CHODL: variants seen among roughly 807,000 people sequenced by gnomAD.
CHODL encodes chondrolectin, also known as transmembrane protein MT75.
A neutral mutation model predicts 34.5 loss-of-function variants in CHODL; 29 were observed. The ratio of observed to expected loss-of-function variants is 0.84; its 90% confidence interval spans 0.63 to 1.15. The LOEUF (loss-of-function observed/expected upper bound fraction) is 1.15. Among genes scored for constraint, CHODL ranks in the 50% most tolerant of loss-of-function variants. CHODL has a pLI of 0.00. For synonymous variants in CHODL, 125 were observed against 116.1 expected (o/e 1.08, Z -0.49); for missense variants, 332 against 332.5 (o/e 1.00, Z 0.01).
chr21:17,992,715 GTTGTTTTTTTT>G (rs374284013), intron 1 of CHODL, among the ~76,000 whole-genome samples: 53 of 31,512 alleles, frequency 1.7e-3, no homozygotes, highest in African/African-American at 3.7e-3. Context: ...TTCTGGTGGA[GTTGTTTTTTTT>G]TTTTTTTTTT....
intron 2 of CHODL, among the ~76,000 whole-genome samples, chr21:18,202,331 T>C (rs927699108): frequency 8.5e-5 from 13 of 152,220 alleles, no homozygotes; most frequent in Non-Finnish European, 1.5e-4. Context: ...TGACTTCTAG[T>C]GTGCTGTATT....
At chr21:17,928,167 ATTC>A (rs1349964620) in intron 1 of CHODL, among the ~76,000 whole-genome samples, 1 of 152,244 alleles carries the variant, frequency 6.6e-6, no homozygotes, top group East Asian at 1.9e-4. Context: ...TCAAGCACTT[ATTC>A]TTTGCAAATC....
At chr21:18,220,146 C>G (rs550122926) in intron 2 of CHODL, among the ~76,000 whole-genome samples, 4 of 152,100 alleles carry the variant, frequency 2.6e-5, no homozygotes, top group Non-Finnish European at 5.9e-5. Context: ...CATAACTACT[C>G]TTGCATGCTT....
rs71318121 is a variant in CHODL, at chr21:18,060,709, C to CA, written c.-45+32752dup. ...CAGTAGTAAATCTTACTCCTCGGAC[C>CA]AAAAAAAAAAAAAAGAAAGCAAGCA... On this transcript the variant is annotated intron_variant, in intron 2 of 6. Transcript: ENST00000400127. 3.7e-3 allele frequency among the ~76,000 whole-genome samples: 444 copies of CA among 121,348 alleles called. 3 individuals carry two copies. The highest frequency in any genetic ancestry group is 0.021 in the East Asian group (89 of 4,284). 79.6% of individuals were successfully genotyped at this position (121,348 alleles called of 152,430 possible).
chr21:17,968,552 T>G (rs1600842537), intron 1 of CHODL, among the ~76,000 whole-genome samples: 3 of 152,340 alleles, frequency 2.0e-5, no homozygotes, highest in Non-Finnish European at 1.5e-5. Flanking sequence ...AATGGTTTCT[T>G]TTTTTTCAGA....
In CHODL at chr21:17,966,243, CACAGTTTAGAAAAAT is replaced by C. The variant is rs1319294482; in HGVS notation, c.-145+48851_-145+48865del. Among the ~76,000 whole-genome samples the C allele has an allele frequency of 1.4e-4, 22 of 152,230 alleles. No homozygotes were observed. In the East Asian group the frequency reaches 3.5e-3, roughly 24 times the overall value. On this transcript the variant is annotated intron_variant, in intron 1 of 6. Transcript: ENST00000400127. ...TTTGCTTAGTTCTGGCAGTTGTAAA[CACAGTTTAGAAAAAT>C]ACAGTTTTTTCTTTCTAACAGATTG...
chr21:18,174,169 GTC>G (rs1316176144), intron 2 of CHODL, among the ~76,000 whole-genome samples: 6 of 54,426 alleles, frequency 1.1e-4, no homozygotes, highest in Non-Finnish European at 9.7e-5. Flanking sequence ...ATAAAATCAA[GTC>G]TCTCAGAGTA....
chr21:18,241,726 G>A (rs77632871), upstream of CHODL, among the ~76,000 whole-genome samples: 6,257 of 152,214 alleles, frequency 0.041, 446 homozygotes, highest in African/African-American at 0.14. Flanking sequence ...GAAGGAGTTC[G>A]TGATATATTT....
chr21:18,011,779 T>G (rs1451465059), intron 1 of CHODL, among the ~76,000 whole-genome samples: 1 of 152,216 alleles, frequency 6.6e-6, no homozygotes, highest in Admixed American at 6.5e-5. Flanking sequence ...GAACTGTTGA[T>G]AGTGGCCAAA....
At chr21:18,174,570 G>A (rs1318692844) in intron 2 of CHODL, among the ~76,000 whole-genome samples, 2 of 152,064 alleles carry the variant, frequency 1.3e-5, no homozygotes, top group Non-Finnish European at 2.9e-5. Flanking sequence ...ATTGCTGACA[G>A]GGCTTTTGGA....
At chr21:17,970,702 G>A (rs997666446) in intron 1 of CHODL, among the ~76,000 whole-genome samples, 8 of 151,984 alleles carry the variant, frequency 5.3e-5, no homozygotes, top group Admixed American at 6.6e-5. Context: ...CATCACTTGA[G>A]CAGTGTACAT....
Position 18,184,069 on chromosome 21 carries a change from A to C in CHODL, c.-44-72440A>C, listed in dbSNP as rs566956980. ...TTTAATTACATGAATTGTGATTTGA[A>C]ATTAGTTTACTCTTTCTAATAATAG... On this transcript the variant is annotated intron_variant, in intron 2 of 6. Transcript: ENST00000400127. Among the ~76,000 whole-genome samples the C allele has an allele frequency of 5.3e-5, 8 of 152,288 alleles. No homozygotes were observed. In the South Asian group the frequency reaches 1.4e-3, roughly 28 times the overall value.
intron 2 of CHODL, among the ~76,000 whole-genome samples, chr21:18,120,551 T>C (rs2065467376): frequency 6.6e-6 from 1 of 152,204 alleles, no homozygotes; most frequent in South Asian, 2.1e-4. Context: ...GTCACACTGA[T>C]TCACACAAAA....
Position 18,245,245 on chromosome 21 carries a change from C to T in CHODL, c.22C>T (p.Leu8=). The change falls in exon 1 of 6, where the codon CTG becomes TTG. Residue 8 remains leucine (L), a synonymous_variant. Transcript: ENST00000299295. MSRVVSL[L]LGAALLCGHG... ...CGCGATGAGCCGCGTGGTCTCGCTG[C>T]TGCTGGGCGCCGCGCTGCTCTGCGG... 1 of 1,523,560 alleles carries T rather than the reference C, an allele frequency of 6.6e-7. No individual in the cohort carries two copies. Among genetic ancestry groups the T allele is most frequent in the Non-Finnish European group, 8.8e-7 (1 of 1,142,468 alleles). The allele number at this position is 1,523,560 out of a possible 1,614,324, so 94.4% of individuals were successfully genotyped here.
At chr21:18,201,787 A>G (rs548482141) in intron 2 of CHODL, among the ~76,000 whole-genome samples, 2 of 149,582 alleles carry the variant, frequency 1.3e-5, no homozygotes, top group South Asian at 4.2e-4. Context: ...AATAAAGTTC[A>G]TATTTTTAAA....
At chr21:18,232,963 ATATATATATG>A (rs1366756917) in intron 2 of CHODL, among the ~76,000 whole-genome samples, 1,636 of 142,824 alleles carry the variant, frequency 0.011, 35 homozygotes, top group African/African-American at 0.042. Flanking sequence ...ATATATATAT[ATATATATATG>A]TATATATATG....
intron 2 of CHODL, among the ~76,000 whole-genome samples, chr21:18,069,550 A>ATG (rs2064771295): frequency 6.6e-6 from 1 of 151,276 alleles, no homozygotes; most frequent in African/African-American, 2.4e-5. Flanking sequence ...ATATATATAT[A>ATG]TATATATGGA....
chr21:17,924,803 C>T (rs1339548408), intron 1 of CHODL, among the ~76,000 whole-genome samples: 2 of 152,078 alleles, frequency 1.3e-5, no homozygotes, highest in Non-Finnish European at 2.9e-5. Flanking sequence ...TGTACATTGT[C>T]ATCATATCCA....
chr21:18,062,115 C>CA (rs1263657692), intron 2 of CHODL, among the ~76,000 whole-genome samples: 1 of 152,062 alleles, frequency 6.6e-6, no homozygotes, highest in Non-Finnish European at 1.5e-5. Context: ...AAAGAACCAC[C>CA]AGACAGTAAA....
Sources: allele counts gnomAD v4.1 joint callset (sites outside exome capture counted in the v4.1 genomes callset), GRCh38; gene constraint gnomAD v4.1.1; transcripts MANE v1.5; gene names NCBI Gene and HGNC (gene_info 2026-07-23, HGNC 2026-07-21).